Variants in FHIT observed in about 807,000 individuals in gnomAD.
FHIT encodes the protein fragile histidine triad diadenosine triphosphatase.
Under a neutral mutation model 17.9 loss-of-function variants are expected in FHIT, and 19 were observed. That is an observed-to-expected ratio of 1.06 (90% CI 0.74 to 1.56). The LOEUF is 1.56. Ranked by LOEUF, FHIT falls within the 40% of genes most tolerant of loss-of-function variation. The probability of loss-of-function intolerance (pLI) is 0.00; values close to 1 mark genes in which losing one functional copy is unlikely to be tolerated. For synonymous variants in FHIT, 81 were observed against 69.7 expected (o/e 1.16, Z -0.81); for missense variants, 248 against 189.2 (o/e 1.31, Z -1.82).
intron 5 of FHIT, among the ~76,000 whole-genome samples, chr3:60,086,750 C>A (rs550048994): frequency 2.1e-4 from 32 of 152,354 alleles, no homozygotes; most frequent in Non-Finnish European, 3.4e-4. Context: ...GCTCCTAATG[C>A]CTCAGGCAGC....
intron 4 of FHIT, among the ~76,000 whole-genome samples, chr3:60,576,308 T>C (rs2037563464): frequency 1.3e-5 from 2 of 151,676 alleles, no homozygotes; most frequent in South Asian, 4.2e-4. Flanking sequence ...AGGTGGAAAA[T>C]ATGAGAGAAA....
chr3:60,100,755 C>G (rs536053830), intron 5 of FHIT, among the ~76,000 whole-genome samples: 1 of 152,166 alleles, frequency 6.6e-6, no homozygotes, highest in African/African-American at 2.4e-5. Flanking sequence ...TTTCTAATCC[C>G]TAAAGCTAAA....
chr3:60,235,808 G>T (rs1045420030), intron 5 of FHIT, among the ~76,000 whole-genome samples: 3 of 152,110 alleles, frequency 2.0e-5, no homozygotes, highest in African/African-American at 2.4e-5. Context: ...TCACAGGAAG[G>T]TTCAATAAAT....
At chr3:60,505,543 A>G (rs2034692882) in intron 5 of FHIT, among the ~76,000 whole-genome samples, 1 of 152,216 alleles carries the variant, frequency 6.6e-6, no homozygotes. Context: ...ACTAATACAG[A>G]CGCACATTCT....
intron 5 of FHIT, among the ~76,000 whole-genome samples, chr3:60,216,977 G>C (rs1047952214): frequency 1.3e-5 from 2 of 152,050 alleles, no homozygotes; most frequent in Non-Finnish European, 2.9e-5. Context: ...CAACTACCCA[G>C]CTCCGAGAAT....
chr3:59,858,355 T>C (rs369792614), intron 8 of FHIT, among the ~76,000 whole-genome samples: 4 of 148,782 alleles, frequency 2.7e-5, no homozygotes, highest in African/African-American at 9.9e-5. Context: ...GCCTCCCAAG[T>C]AGCTGGGATT....
chr3:61,106,416 G>T (rs912085927), intron 2 of FHIT, among the ~76,000 whole-genome samples: 20 of 151,790 alleles, frequency 1.3e-4, no homozygotes, highest in African/African-American at 4.4e-4. Flanking sequence ...AACTTCCTCC[G>T]CTCTAATTAA....
At chr3:59,908,853 T>TTTTTTTTTTTTTG (rs1271629999) in intron 8 of FHIT, among the ~76,000 whole-genome samples, 242 of 150,604 alleles carry the variant, frequency 1.6e-3, no homozygotes, top group East Asian at 3.7e-3. Flanking sequence ...CATTTTTTAA[T>TTTTTTTTTTTTTG]AGTCCAACTG....
At chr3:60,313,779 T>G (rs1254297136) in intron 5 of FHIT, among the ~76,000 whole-genome samples, 1 of 152,188 alleles carries the variant, frequency 6.6e-6, no homozygotes, top group East Asian at 1.9e-4. Context: ...AGGTTAGATC[T>G]TTCTAATCTT....
intron 6 of FHIT, among the ~76,000 whole-genome samples, chr3:60,011,952 G>A (rs1700154391): frequency 1.3e-5 from 2 of 152,170 alleles, no homozygotes; most frequent in African/African-American, 4.8e-5. Flanking sequence ...AGTTGGAAAT[G>A]GGCAAACTCA....
chr3:60,629,738 C>T (rs557868666), intron 4 of FHIT, among the ~76,000 whole-genome samples: 2 of 152,266 alleles, frequency 1.3e-5, no homozygotes, highest in South Asian at 4.1e-4. Context: ...TCTGTTGTCC[C>T]CACTTGATTG....
chr3:60,723,147 C>T (rs189074599), intron 4 of FHIT, among the ~76,000 whole-genome samples: 1 of 152,298 alleles, frequency 6.6e-6, no homozygotes. Context: ...CAAGGCAGCA[C>T]TCTTCCCACG....
chr3:60,941,137 A>C (rs1462343159), intron 3 of FHIT, among the ~76,000 whole-genome samples: 1 of 152,232 alleles, frequency 6.6e-6, no homozygotes, highest in East Asian at 1.9e-4. Flanking sequence ...AAAATCCAGC[A>C]TGTATATTCC....
At chr3:60,848,467 T>G (rs542030474) in intron 3 of FHIT, among the ~76,000 whole-genome samples, 1 of 152,166 alleles carries the variant, frequency 6.6e-6, no homozygotes, top group African/African-American at 2.4e-5. Flanking sequence ...CAGCACATTC[T>G]TTCAACCCAT....
chr3:61,054,965 T>C (rs1336361974), intron 2 of FHIT, among the ~76,000 whole-genome samples: 1 of 152,200 alleles, frequency 6.6e-6, no homozygotes, highest in African/African-American at 2.4e-5. Context: ...CCTTGGGGTT[T>C]CAGTTCAACG....
chr3:60,144,999 A>T (rs548237505), intron 5 of FHIT, among the ~76,000 whole-genome samples: 1 of 152,280 alleles, frequency 6.6e-6, no homozygotes, highest in East Asian at 1.9e-4. Context: ...GGAGGAAAAA[A>T]ACATCAATTC....
chr3:59,812,859 C>G (rs1383064915), intron 8 of FHIT, among the ~76,000 whole-genome samples: 1 of 152,088 alleles, frequency 6.6e-6, no homozygotes, highest in African/African-American at 2.4e-5. Flanking sequence ...TATGTTCTTC[C>G]TTTTGTTCTT....
At chr3:60,599,114 C>T (rs2038360460) in intron 4 of FHIT, among the ~76,000 whole-genome samples, 1 of 152,154 alleles carries the variant, frequency 6.6e-6, no homozygotes, top group Admixed American at 6.6e-5. Flanking sequence ...GGGGTGCCTA[C>T]CAAAAACTTG....
intron 3 of FHIT, among the ~76,000 whole-genome samples, chr3:60,963,191 T>A (rs113161197): frequency 6.6e-6 from 1 of 152,212 alleles, no homozygotes; most frequent in Non-Finnish European, 1.5e-5. Flanking sequence ...TATCCATTTC[T>A]TCTAGATTTT....
Sources: gnomAD v4.1 joint callset for allele counts (sites outside exome capture counted in the v4.1 genomes callset) on GRCh38, gnomAD v4.1.1 for gene constraint, MANE v1.5 for transcripts, NCBI Gene and HGNC (gene_info 2026-07-23, HGNC 2026-07-21) for gene names.